The following EIF2S1 variants were observed in gnomAD, a reference collection of about 807,000 sequenced individuals.
EIF2S1 encodes the protein eukaryotic translation initiation factor 2 subunit 1.
EIF2S1 carries 5 observed loss-of-function variants against 33.5 expected under a neutral mutation model. The observed-to-expected ratio is 0.15, with a 90% confidence interval of 0.08 to 0.31. EIF2S1 has a LOEUF of 0.31. Among genes scored for constraint, EIF2S1 ranks in the 10% least tolerant of loss-of-function variants. The probability of loss-of-function intolerance (pLI) is 1.00; values close to 1 mark genes in which losing one functional copy is unlikely to be tolerated. For missense variants in EIF2S1, 191 were observed against 384.6 expected (o/e 0.50, Z 4.21); for synonymous variants, 99 against 127.5 (o/e 0.78, Z 1.51).
intron 4 of EIF2S1, among the ~76,000 whole-genome samples, chr14:67,379,654 CTT>C (rs541791101): frequency 5.0e-5 from 6 of 119,942 alleles, no homozygotes; most frequent in Admixed American, 9.2e-5. Context: ...TTTTCTTTTT[CTT>C]TTTTTTTTTT....
chr14:67,361,881 T>C (rs1185198373), intron 1 of EIF2S1, among the ~76,000 whole-genome samples: 1 of 152,234 alleles, frequency 6.6e-6, no homozygotes, highest in Non-Finnish European at 1.5e-5. Flanking sequence ...AGTATTATAA[T>C]TTAGTATTTC....
intron 3 of EIF2S1, chr14:67,374,771 T>G: frequency 2.8e-6 from 1 of 355,568 alleles, no homozygotes; most frequent in Non-Finnish European, 5.1e-6. Context: ...TACGGGGTTT[T>G]TTTGTTTGTT....
chr14:67,375,420 C>G (rs1332853048), intron 3 of EIF2S1, among the ~76,000 whole-genome samples: 3 of 152,086 alleles, frequency 2.0e-5, no homozygotes, highest in African/African-American at 7.2e-5. Context: ...GTGTGCCCAG[C>G]CTATCCTCAG....
At chr14:67,367,801 A>C (rs373272008) in intron 2 of EIF2S1, among the ~76,000 whole-genome samples, 9 of 151,864 alleles carry the variant, frequency 5.9e-5, no homozygotes, top group African/African-American at 1.9e-4. Flanking sequence ...GCACCGCTGC[A>C]CTCCAACCTG....
At position 67,374,487 on chromosome 14, in the gene EIF2S1, A is replaced by G. The variant is rs924061828; in HGVS notation, c.261A>G (p.Lys87=). 8 of 1,606,330 alleles carry G rather than the reference A, an allele frequency of 5.0e-6. No homozygotes were observed. The highest frequency in any genetic ancestry group is 6.8e-6 in the Non-Finnish European group (8 of 1,175,562). Residue 87 remains lysine (K), a synonymous_variant, in exon 3 of 8, where the codon AAA becomes AAG. Coordinates refer to ENST00000256383, the MANE Select transcript of EIF2S1 (RefSeq NM_004094.5). ...GTACAGGATATATTGATTTGTCAAA[A>G]AGAAGAGTTTCTCCAGAGGAAGCAA... ...DKEKGYIDLS[K]RRVSPEEAIK... is the part of the protein sequence containing the mutation.
At chr14:67,362,705 G>A (rs981721162) in intron 1 of EIF2S1, among the ~76,000 whole-genome samples, 3 of 152,022 alleles carry the variant, frequency 2.0e-5, no homozygotes, top group Non-Finnish European at 2.9e-5. Context: ...AAGAGGTGAA[G>A]TCACCTAGTG....
chr14:67,360,368 G>A lies in EIF2S1; in HGVS notation c.-90G>A, dbSNP rs1286103664. On this transcript the variant is annotated 5_prime_UTR_variant, in exon 1 of 8. Coordinates refer to ENST00000256383, the MANE Select transcript of EIF2S1 (RefSeq NM_004094.5). The stretch of plus-strand genomic sequence containing the variant: ...AGCGAAGCGCACGCTGAGGAGGATC[G>A]GCGGCCGGTGAGGGGGAAGCAAGTC... The A allele has an allele frequency of 8.3e-5, 33 of 396,976 alleles. No individual in the cohort carries two copies. The allele number at this position is 396,976 out of a possible 1,614,324, so 24.6% of individuals were successfully genotyped here.
chr14:67,383,398 A>C lies in EIF2S1; in HGVS notation c.906A>C (p.Gly302=). 3 of 1,613,662 alleles carry C rather than the reference A, an allele frequency of 1.9e-6. No homozygotes were observed. The highest frequency in any genetic ancestry group is 1.3e-5 in the African/African-American group (1 of 75,046). ...AAAGAGAAAATGCCGAAGTGGATGG[A>C]GATGATGATGCAGAAGAAATGGAAG... ...RLERENAEVD[G]DDDAEEMEAK... Residue 302 remains glycine (G), a synonymous_variant, in exon 8 of 8, where the codon GGA becomes GGC. Coordinates refer to ENST00000256383, the MANE Select transcript of EIF2S1 (RefSeq NM_004094.5).
In EIF2S1 at chr14:67,385,911, T is replaced by G. The variant is rs1316308043; in HGVS notation, c.*2471T>G. The G allele has an allele frequency of 6.6e-6, 1 of 152,234 alleles. No individual in the cohort carries two copies. Among genetic ancestry groups the G allele is most frequent in the African/African-American group, 2.4e-5 (1 of 41,466 alleles). 9.4% of individuals were successfully genotyped at this position (152,234 alleles called of 1,614,324 possible). ...ACAGTTATTACTCAGCTGCCATACT[T>G]CAGCCATTCTACTTTTACACCAAGA... is the stretch of plus-strand genomic sequence containing the variant. On this transcript the variant is annotated 3_prime_UTR_variant, in exon 8 of 8. Transcript: ENST00000256383.
chr14:67,375,338 C>T (rs908981772), intron 3 of EIF2S1, among the ~76,000 whole-genome samples: 1 of 151,690 alleles, frequency 6.6e-6, no homozygotes, highest in Non-Finnish European at 1.5e-5. Flanking sequence ...TTACTGCAAC[C>T]ACCTCCTCCT....
At position 67,384,356 on chromosome 14, in the gene EIF2S1, C is replaced by T. The variant is rs2085906776; in HGVS notation, c.*916C>T. 6.7e-6 allele frequency: 1 copy of T among 148,948 alleles called. No individual in the cohort carries two copies. The highest frequency in any genetic ancestry group is 2.5e-5 in the African/African-American group (1 of 39,802). The allele number at this position is 148,948 out of a possible 1,614,324, so 9.2% of individuals were successfully genotyped here. ...ATAACAAAACAGGGATCTGTTTGAA[C>T]ACTTACTGTTGTTTTTTTTTTTTTA... On this transcript the variant is annotated 3_prime_UTR_variant, in exon 8 of 8. Coordinates refer to ENST00000256383, the MANE Select transcript of EIF2S1 (RefSeq NM_004094.5).
chr14:67,365,939 C>G (rs959818193), intron 2 of EIF2S1, among the ~76,000 whole-genome samples: 2 of 152,142 alleles, frequency 1.3e-5, no homozygotes, highest in African/African-American at 4.8e-5. Flanking sequence ...CTACTTAGCA[C>G]ATGGATTGTT....
chr14:67,369,071 A>G (rs2085800875), intron 2 of EIF2S1, among the ~76,000 whole-genome samples: 1 of 152,240 alleles, frequency 6.6e-6, no homozygotes, highest in African/African-American at 2.4e-5. Flanking sequence ...ATGTAAATCA[A>G]GTAAATATTC....
At chr14:67,370,919 C>T (rs967342893) in intron 2 of EIF2S1, among the ~76,000 whole-genome samples, 1 of 151,968 alleles carries the variant, frequency 6.6e-6, no homozygotes, top group Non-Finnish European at 1.5e-5. Flanking sequence ...GTTCCAGCTA[C>T]TAGAGAAGCT....
chr14:67,375,909 T>C (rs1688095804), intron 3 of EIF2S1, among the ~76,000 whole-genome samples: 2 of 152,232 alleles, frequency 1.3e-5, no homozygotes, highest in Non-Finnish European at 2.9e-5. Context: ...GATGTTAAAA[T>C]GGAAGAGTTA....
In EIF2S1 at chr14:67,385,339, C is replaced by T. The variant is rs944999871; in HGVS notation, c.*1899C>T. 3 of 151,840 alleles carry T rather than the reference C, an allele frequency of 2.0e-5. No individual in the cohort carries two copies. Among genetic ancestry groups the T allele is most frequent in the African/African-American group, 7.3e-5 (3 of 41,312 alleles). 9.4% of individuals were successfully genotyped at this position (151,840 alleles called of 1,614,324 possible). On this transcript the variant is annotated 3_prime_UTR_variant, in exon 8 of 8. Coordinates refer to ENST00000256383, the MANE Select transcript of EIF2S1 (RefSeq NM_004094.5). The stretch of plus-strand genomic sequence containing the variant: ...AGGCATGGTAGCTCATGCCTGTAAC[C>T]CTGGCACTTAAGGGGCCAAGGCAGG...
rs2085905364 is a variant in EIF2S1, at chr14:67,384,137, G to A, written c.*697G>A. The A allele has an allele frequency of 6.6e-6, 1 of 152,364 alleles. No homozygotes were observed. The highest frequency in any genetic ancestry group is 2.1e-4 in the South Asian group (1 of 4,832). 9.4% of individuals were successfully genotyped at this position (152,364 alleles called of 1,614,324 possible). ...ATTTGAGATTGATGACAACCTGTGTGAGAGAATTTATCACACCACGTCCTT... is the reference window on the plus strand; with the variant it reads ...ATTTGAGATTGATGACAACCTGTGTAAGAGAATTTATCACACCACGTCCTT... On this transcript the variant is annotated 3_prime_UTR_variant, in exon 8 of 8. Transcript: ENST00000256383.
chr14:67,376,651 A>C, intron 4 of EIF2S1, 61 bp downstream of exon 4: 1 of 1,553,348 alleles, frequency 6.4e-7, no homozygotes, highest in Non-Finnish European at 8.8e-7. Flanking sequence ...CCTGATATTT[A>C]ACAGCATAGC....
At chr14:67,369,816 A>T (rs978519710) in intron 2 of EIF2S1, among the ~76,000 whole-genome samples, 1 of 152,094 alleles carries the variant, frequency 6.6e-6, no homozygotes, top group Non-Finnish European at 1.5e-5. Context: ...TAGAAGATAA[A>T]AGAAAGGAAA....
Sources: gnomAD v4.1 joint callset for allele counts (sites outside exome capture counted in the v4.1 genomes callset) on GRCh38, gnomAD v4.1.1 for gene constraint, MANE v1.5 for transcripts, NCBI Gene and HGNC (gene_info 2026-07-23, HGNC 2026-07-21) for gene names.